Variants in PLA2G4A observed in about 807,000 individuals in gnomAD.
The protein encoded by PLA2G4A is phospholipase A2 group IVA.
PLA2G4A carries 40 observed loss-of-function variants against 81.9 expected under a neutral mutation model. That is an observed-to-expected ratio of 0.49 (90% CI 0.38 to 0.64). The LOEUF is 0.64. Among genes scored for constraint, PLA2G4A ranks in the 30% least tolerant of loss-of-function variants. The pLI is 0.00. For synonymous variants in PLA2G4A, 302 were observed against 296.9 expected, an observed-to-expected ratio of 1.02 and a Z score of -0.18; for missense variants, 715 against 905.1, an observed-to-expected ratio of 0.79 and a Z score of 2.69.
At chr1:186,861,060 T>C (rs973383564) in intron 2 of PLA2G4A, among the ~76,000 whole-genome samples, 3 of 152,186 alleles carry the variant, frequency 2.0e-5, no homozygotes, top group African/African-American at 7.2e-5. Context: ...GTGTTGAACA[T>C]TATGGTGAAA....
chr1:186,911,379 C>A lies in PLA2G4A; in HGVS notation c.548C>A (p.Ser183Tyr). Residue 183 changes from serine (S) to tyrosine (Y), a missense_variant, in exon 7 of 18, where the codon TCT becomes TAT. Transcript: ENST00000367466. ...LGPKNSEGLHSARDVPVVAIL... is the reference protein window; with the variant it reads ...LGPKNSEGLHYARDVPVVAIL... ...CCAAAGAATAGTGAAGGATTGCATT[C>A]TGCACGTGATGTGAGTTGGAAATTT... is the stretch of plus-strand genomic sequence containing the variant. 1 of 1,609,646 alleles carries A rather than the reference C, an allele frequency of 6.2e-7. No homozygotes were observed. Among genetic ancestry groups the A allele is most frequent in the East Asian group, 2.2e-5 (1 of 44,852 alleles).
intron 13 of PLA2G4A, among the ~76,000 whole-genome samples, chr1:186,952,861 G>A (rs1656613593): frequency 2.6e-5 from 4 of 152,046 alleles, no homozygotes; most frequent in African/African-American, 9.7e-5. Flanking sequence ...GTTCCTCTAT[G>A]TTTTTTCTTG....
intron 17 of PLA2G4A, among the ~76,000 whole-genome samples, chr1:186,982,477 T>C (rs1398522097): frequency 6.6e-6 from 1 of 152,230 alleles, no homozygotes; most frequent in Admixed American, 6.5e-5. Context: ...TACATGTCCT[T>C]ATCTTGTACC....
At chr1:186,850,828 C>T (rs1011757073) in intron 1 of PLA2G4A, among the ~76,000 whole-genome samples, 2 of 151,940 alleles carry the variant, frequency 1.3e-5, no homozygotes, top group African/African-American at 4.8e-5. Context: ...CATTTTTTTG[C>T]TCCCAAGCAC....
At chr1:186,975,866 A>G (rs1372357583) in intron 15 of PLA2G4A, among the ~76,000 whole-genome samples, 1 of 152,124 alleles carries the variant, frequency 6.6e-6, no homozygotes, top group Non-Finnish European at 1.5e-5. Flanking sequence ...ACGCTGCACA[A>G]CCCAGGCCCA....
chr1:186,904,623 C>A (rs1654670026), intron 5 of PLA2G4A, among the ~76,000 whole-genome samples: 1 of 152,244 alleles, frequency 6.6e-6, no homozygotes, highest in Admixed American at 6.5e-5. Flanking sequence ...CTTGGCAGCA[C>A]AGCCTGTAAC....
At chr1:186,834,752 G>T (rs1404662346) in intron 1 of PLA2G4A, among the ~76,000 whole-genome samples, 4 of 152,088 alleles carry the variant, frequency 2.6e-5, no homozygotes, top group African/African-American at 9.7e-5. Flanking sequence ...TGTAAAAAGT[G>T]CTGATTTTGC....
chr1:186,898,322 T>C (rs1654413880), intron 5 of PLA2G4A, among the ~76,000 whole-genome samples: 1 of 152,186 alleles, frequency 6.6e-6, no homozygotes, highest in Non-Finnish European at 1.5e-5. Context: ...TTGGAAAGTA[T>C]ACTTTCATGT....
At chr1:186,957,686 A>C (rs1368080850) in intron 14 of PLA2G4A, among the ~76,000 whole-genome samples, 1 of 152,200 alleles carries the variant, frequency 6.6e-6, no homozygotes, top group Non-Finnish European at 1.5e-5. Context: ...ACTTTCTTAA[A>C]ACTGCCCAGC....
At chr1:186,962,522 A>ATTTG (rs1656990731) in intron 14 of PLA2G4A, among the ~76,000 whole-genome samples, 1 of 148,578 alleles carries the variant, frequency 6.7e-6, no homozygotes, top group South Asian at 2.1e-4. Context: ...TTATTTATTT[A>ATTTG]TTTATTTATT....
At chr1:186,950,583 T>C in intron 12 of PLA2G4A, 74 bp from the exon 13 acceptor site, 1 of 796,546 alleles carries the variant, frequency 1.3e-6, no homozygotes, top group Non-Finnish European at 2.2e-6. Context: ...TTGCTCAGAT[T>C]ACTTTTTTAT....
At chr1:186,892,977 C>T in intron 3 of PLA2G4A, 34 bp from the exon 4 acceptor site, 3 of 1,540,292 alleles carry the variant, frequency 1.9e-6, no homozygotes, top group South Asian at 2.2e-5. Flanking sequence ...AATCACATTT[C>T]TACCTCCTTC....
At chr1:186,849,868 A>G (rs564345438) in intron 1 of PLA2G4A, among the ~76,000 whole-genome samples, 51 of 152,236 alleles carry the variant, frequency 3.4e-4, no homozygotes, top group Admixed American at 2.8e-3. Context: ...ACAATGTTTG[A>G]CACATGGTAG....
chr1:186,972,640 A>C (rs1401787262), intron 15 of PLA2G4A, among the ~76,000 whole-genome samples: 2 of 152,168 alleles, frequency 1.3e-5, no homozygotes, highest in Non-Finnish European at 2.9e-5. Context: ...TCAGTTTTTC[A>C]GTGCTCATTT....
chr1:186,942,128 A>C (rs1656175604), intron 10 of PLA2G4A, among the ~76,000 whole-genome samples: 1 of 152,180 alleles, frequency 6.6e-6, no homozygotes, highest in South Asian at 2.1e-4. Flanking sequence ...GTCAGGGATA[A>C]CTCAGGTGTG....
chr1:186,958,140 T>C (rs1346178186), intron 14 of PLA2G4A, among the ~76,000 whole-genome samples: 1 of 152,062 alleles, frequency 6.6e-6, no homozygotes, highest in Non-Finnish European at 1.5e-5. Context: ...ACAAGATTAG[T>C]GCAAACTCAT....
chr1:186,968,596 A>G (rs767702510), intron 15 of PLA2G4A, among the ~76,000 whole-genome samples: 1 of 151,806 alleles, frequency 6.6e-6, no homozygotes, highest in Non-Finnish European at 1.5e-5. Flanking sequence ...AAATAAAATA[A>G]AAATATATAC....
At chr1:186,854,178 AGT>A (rs1377137798) in intron 1 of PLA2G4A, 106 bp from the exon 2 acceptor site, 2 of 575,378 alleles carry the variant, frequency 3.5e-6, no homozygotes, top group Non-Finnish European at 6.2e-6. Context: ...CAACCTATCT[AGT>A]GTCCTTGGGT....
chr1:186,883,347 T>TTGTAGCC, intron 3 of PLA2G4A, among the ~76,000 whole-genome samples: 1 of 152,242 alleles, frequency 6.6e-6, no homozygotes. Flanking sequence ...TTCTTCCCCC[T>TTGTAGCC]TGTAGCCTTG....
Sources: allele counts gnomAD v4.1 joint callset (sites outside exome capture counted in the v4.1 genomes callset), GRCh38; gene constraint gnomAD v4.1.1; transcripts MANE v1.5; gene names NCBI Gene and HGNC (gene_info 2026-07-23, HGNC 2026-07-21).